The following FGF12 variants were observed in gnomAD, a reference collection of about 807,000 sequenced individuals.
FGF12 encodes fibroblast growth factor 12B.
In FGF12, 14 loss-of-function variants were observed where a neutral mutation model predicts 23.6. The ratio of observed to expected loss-of-function variants is 0.59; its 90% CI spans 0.39 to 0.93. The LOEUF is 0.93. Ranked by LOEUF, FGF12 falls within the 40% of genes least tolerant of loss-of-function variation. The pLI, the probability that FGF12 is intolerant of heterozygous loss-of-function variation, is 0.00. For synonymous variants in FGF12, 62 were observed against 77.3 expected, an observed-to-expected ratio of 0.80 and a Z score of 1.04; for missense variants, 175 against 217.8, an observed-to-expected ratio of 0.80 and a Z score of 1.24.
At chr3:192,235,123 ATCT>A in intron 4 of FGF12, among the ~76,000 whole-genome samples, 1 of 152,150 alleles carries the variant, frequency 6.6e-6, no homozygotes, top group South Asian at 2.1e-4. Flanking sequence ...TTGGTACCAG[ATCT>A]TCTTTATACA....
chr3:192,445,577 C>G (rs918431010), intron 2 of FGF12, among the ~76,000 whole-genome samples: 5 of 152,090 alleles, frequency 3.3e-5, no homozygotes, highest in Non-Finnish European at 7.4e-5. Context: ...TCGTTTTACT[C>G]CACCTTCCTA....
intron 2 of FGF12, among the ~76,000 whole-genome samples, chr3:192,692,498 C>T (rs1177187141): frequency 1.3e-5 from 2 of 152,046 alleles, no homozygotes; most frequent in Non-Finnish European, 2.9e-5. Context: ...AGAGCTCAGG[C>T]ATTCAAGACC....
At chr3:192,252,134 T>C (rs1332056393) in intron 4 of FGF12, among the ~76,000 whole-genome samples, 2 of 152,070 alleles carry the variant, frequency 1.3e-5, no homozygotes, top group Non-Finnish European at 2.9e-5. Context: ...CTAAATTTTG[T>C]ATTCTCTAGG....
chr3:192,193,121 AG>A (rs1716890470), intron 4 of FGF12, among the ~76,000 whole-genome samples: 1 of 152,184 alleles, frequency 6.6e-6, no homozygotes, highest in South Asian at 2.1e-4. Flanking sequence ...GACCAAAAAA[AG>A]TTTCATAAAT....
chr3:192,395,862 T>C (rs1720496760), intron 2 of FGF12, among the ~76,000 whole-genome samples: 1 of 152,158 alleles, frequency 6.6e-6, no homozygotes, highest in African/African-American at 2.4e-5. Context: ...AAGTGAAGGA[T>C]AGGTGTGGAG....
At chr3:192,300,790 G>A (rs939139392) in intron 4 of FGF12, among the ~76,000 whole-genome samples, 1 of 152,066 alleles carries the variant, frequency 6.6e-6, no homozygotes, top group Non-Finnish European at 1.5e-5. Flanking sequence ...GCCAAGGGGG[G>A]CTGAGCACTT....
At chr3:192,466,041 T>G (rs1723003092) in intron 2 of FGF12, among the ~76,000 whole-genome samples, 1 of 152,266 alleles carries the variant, frequency 6.6e-6, no homozygotes, top group East Asian at 1.9e-4. Context: ...CCACGGAGCA[T>G]ACGTACACAA....
Position 192,299,832 on chromosome 3 carries a change from C to G in FGF12, c.228+35529G>C, listed in dbSNP as rs114728940. Among the ~76,000 whole-genome samples, 1,115 of 152,274 alleles carry G rather than the reference C, an allele frequency of 7.3e-3. 17 individuals carry two copies. The highest frequency in any genetic ancestry group is 0.025 in the African/African-American group (1,047 of 41,546). ...TGTGCAATGAGTAAGGCACAAAACA[C>G]TGAGCCAGTCATTGAACTCAAGTCT... is the stretch of plus-strand genomic sequence containing the variant. On this transcript the variant is annotated intron_variant, in intron 4 of 5. Coordinates refer to ENST00000445105, the MANE Select transcript of FGF12 (RefSeq NM_004113.6).
chr3:192,182,620 T>C (rs1057462089), intron 4 of FGF12, among the ~76,000 whole-genome samples: 3 of 145,048 alleles, frequency 2.1e-5, no homozygotes, highest in African/African-American at 7.7e-5. Flanking sequence ...ATCGTCTATG[T>C]CCTGCTTAGA....
intron 4 of FGF12, among the ~76,000 whole-genome samples, chr3:192,211,177 G>C (rs767382539): frequency 2.6e-5 from 4 of 152,124 alleles, no homozygotes; most frequent in Non-Finnish European, 5.9e-5. Flanking sequence ...GTGAGAAATG[G>C]TCAGATTATG....
At chr3:192,158,579 TTTC>T (rs1714657262) in intron 5 of FGF12, among the ~76,000 whole-genome samples, 1 of 125,716 alleles carries the variant, frequency 8.0e-6, no homozygotes, top group Non-Finnish European at 1.7e-5. Context: ...TTTCTCTTTC[TTTC>T]TTTCTTCTCG....
At chr3:192,545,240 C>T (rs1322388734) in intron 2 of FGF12, among the ~76,000 whole-genome samples, 1 of 152,196 alleles carries the variant, frequency 6.6e-6, no homozygotes, top group Non-Finnish European at 1.5e-5. Flanking sequence ...CCCAAAACTA[C>T]TTGTGTATAA....
At chr3:192,714,252 A>C (rs968833223) in intron 2 of FGF12, among the ~76,000 whole-genome samples, 7 of 152,080 alleles carry the variant, frequency 4.6e-5, no homozygotes, top group African/African-American at 1.7e-4. Context: ...AAAAATCAAG[A>C]CCAGAATTGG....
At chr3:192,558,252 C>G (rs1280478463) in intron 2 of FGF12, among the ~76,000 whole-genome samples, 1 of 151,714 alleles carries the variant, frequency 6.6e-6, no homozygotes, top group Non-Finnish European at 1.5e-5. Flanking sequence ...ACAAAATCAA[C>G]AAACAAAAAT....
At chr3:192,551,093 C>A (rs997809523) in intron 2 of FGF12, among the ~76,000 whole-genome samples, 2 of 152,122 alleles carry the variant, frequency 1.3e-5, no homozygotes, top group African/African-American at 4.8e-5. Context: ...AAAACTGGGT[C>A]AAAAACTATT....
intron 2 of FGF12, among the ~76,000 whole-genome samples, chr3:192,478,362 C>T (rs1723386030): frequency 6.6e-6 from 1 of 152,004 alleles, no homozygotes; most frequent in African/African-American, 2.4e-5. Flanking sequence ...GAATCCAGCC[C>T]CTGGCCCAAC....
intron 2 of FGF12, among the ~76,000 whole-genome samples, chr3:192,706,977 A>G (rs749148387): frequency 1.3e-5 from 2 of 152,248 alleles, no homozygotes; most frequent in African/African-American, 2.4e-5. Flanking sequence ...GTAACAGATG[A>G]ATTGTTGAGG....
chr3:192,382,940 G>A (rs1435684032), intron 2 of FGF12, among the ~76,000 whole-genome samples: 1 of 152,148 alleles, frequency 6.6e-6, no homozygotes. Flanking sequence ...GGATGAGCAG[G>A]GAGACAAGTG....
chr3:192,540,979 T>C lies in FGF12; in HGVS notation c.14-180441A>G, dbSNP rs116034222. Among the ~76,000 whole-genome samples the C allele has an allele frequency of 2.6e-3, 390 of 152,320 alleles. 2 individuals carry two copies. The highest frequency in any genetic ancestry group is 9.0e-3 in the African/African-American group (374 of 41,586). Reference sequence around the variant, plus strand: ...ATTGCTGCTCTTTTTGGTTTCTACATGCATGCAATATATTTTTCCATCCCT... The same window carrying C: ...ATTGCTGCTCTTTTTGGTTTCTACACGCATGCAATATATTTTTCCATCCCT... On this transcript the variant is annotated intron_variant, in intron 2 of 5. Coordinates refer to ENST00000445105, the MANE Select transcript of FGF12 (RefSeq NM_004113.6).
Sources: allele counts gnomAD v4.1 joint callset (sites outside exome capture counted in the v4.1 genomes callset), GRCh38; gene constraint gnomAD v4.1.1; transcripts MANE v1.5; gene names NCBI Gene and HGNC (gene_info 2026-07-23, HGNC 2026-07-21).